Variants in ZNF276 observed in about 807,000 individuals in gnomAD.
ZNF276 encodes zinc finger protein 276, also known as centromere protein Z.
ZNF276 carries 59 observed loss-of-function variants against 63.9 expected under a neutral mutation model. The ratio of observed to expected loss-of-function variants is 0.92; its 90% CI spans 0.75 to 1.15. The LOEUF is 1.15. ZNF276 is among the 50% of genes most tolerant of loss of function. The pLI is 0.00. For synonymous variants in ZNF276, 496 were observed against 348.4 expected, an observed-to-expected ratio of 1.42 and a Z score of -4.72; for missense variants, 1,084 against 843.8, an observed-to-expected ratio of 1.28 and a Z score of -3.53.
In ZNF276 at chr16:89,721,841, G is replaced by C; in HGVS notation, c.201G>C (p.Glu67Asp). ...CGDAGEDGADEAGAGRALAMG... is the reference protein window; with the variant it reads ...CGDAGEDGADDAGAGRALAMG... ...ACGCGGGCGAGGACGGCGCGGACGA[G>C]GCAGGTGGGTCCGCGGCCCGGGCGT... The change falls in exon 1 of 11, where the codon GAG becomes GAC. Residue 67 changes from glutamate to aspartate, a missense_variant. Physicochemically the swap from Glu to Asp is conservative, Grantham distance 45. Transcript: ENST00000443381. 8.2e-7 allele frequency: 1 copy of C among 1,212,292 alleles called. No homozygotes were observed. The highest frequency in any genetic ancestry group is 1.0e-6 in the Non-Finnish European group (1 of 975,702). 75.1% of individuals were successfully genotyped at this position (1,212,292 alleles called of 1,614,324 possible). A position where few individuals can be genotyped will look rare whatever the true frequency, so the allele number is the denominator to read the frequency against.
intron 4 of ZNF276, among the ~76,000 whole-genome samples, chr16:89,725,012 C>T (rs950869533): frequency 2.0e-5 from 3 of 152,274 alleles, no homozygotes; most frequent in African/African-American, 7.2e-5. Context: ...GTGGTGCCAT[C>T]TTGGCTCACC....
At chr16:89,733,796 C>G (rs2061756746) in intron 8 of ZNF276, 125 bp from the exon 9 acceptor site, 1 of 941,912 alleles carries the variant, frequency 1.1e-6, no homozygotes, top group Non-Finnish European at 1.7e-6. Flanking sequence ...TGTGAAGGAG[C>G]CAGTGGTGTC....
chr16:89,739,029 G>T lies in ZNF276; in HGVS notation c.*783G>T. 4 of 1,614,118 alleles carry T rather than the reference G, an allele frequency of 2.5e-6. No individual in the cohort carries two copies. Among genetic ancestry groups the T allele is most frequent in the Non-Finnish European group, 3.4e-6 (4 of 1,179,956 alleles). On this transcript the variant is annotated 3_prime_UTR_variant, in exon 11 of 11. Transcript: ENST00000443381. ...TAGAAGACATACAGAAACAGGGCTG[G>T]TGTGTCCCCCATAGTCTGCATGCTG...
At chr16:89,736,662 G>T (rs1384766680) in intron 9 of ZNF276, among the ~76,000 whole-genome samples, 1 of 151,742 alleles carries the variant, frequency 6.6e-6, no homozygotes. Flanking sequence ...GGGTGTGGTG[G>T]TGCACACCTG....
rs542879849 is a variant in ZNF276 at position 89,722,964 on chromosome 16, G to A, written c.509+130G>A. The A allele has an allele frequency of 1.2e-5, 19 of 1,559,080 alleles. No homozygotes were observed. The East Asian group carries it at 4.1e-4, about 34-fold the overall frequency. ...GGAATGGGCCATGCCCGGGTTCAGT[G>A]CCAACAGCCCTGGGACTGTTGTGGA... On this transcript the variant is annotated intron_variant, in intron 2 of 10. Transcript: ENST00000443381.
At chr16:89,729,838 C>T (rs1409751316) in intron 6 of ZNF276, among the ~76,000 whole-genome samples, 2 of 152,142 alleles carry the variant, frequency 1.3e-5, no homozygotes, top group African/African-American at 2.4e-5. Context: ...CTTGTTTTGA[C>T]TTTGTTTTTA....
chr16:89,739,365 A>G lies in ZNF276; in HGVS notation c.*1119A>G. The G allele has an allele frequency of 6.3e-7, 1 of 1,586,534 alleles. No homozygotes were observed. Among genetic ancestry groups the G allele is most frequent in the Admixed American group, 1.7e-5 (1 of 58,620 alleles). ...CAGGTGATGCCAAGGGATACTGCTC[A>G]TCTGTGGAGCAGAGGCACAGACAAC... On this transcript the variant is annotated 3_prime_UTR_variant, in exon 11 of 11. Coordinates refer to ENST00000443381, the MANE Select transcript of ZNF276 (RefSeq NM_001113525.2).
At position 89,733,957 on chromosome 16, in the gene ZNF276, C is replaced by CG; in HGVS notation, c.1395dup (p.Pro466AlafsTer34). ...GGAGCACCACGAGGAGGTCCGGGAG[C>CG]GGCCCTGCCCCCACCCTGGCTGCAA... On this transcript the variant is annotated frameshift_variant, in exon 9 of 11. Transcript: ENST00000443381. LOFTEE classifies it high-confidence loss of function. The CG allele has an allele frequency of 9.3e-6, 15 of 1,613,968 alleles. No homozygotes were observed. Among genetic ancestry groups the CG allele is most frequent in the Non-Finnish European group, 1.3e-5 (15 of 1,179,994 alleles).
intron 4 of ZNF276, among the ~76,000 whole-genome samples, chr16:89,724,879 T>C (rs2061423383): frequency 6.6e-6 from 1 of 152,226 alleles, no homozygotes; most frequent in Admixed American, 6.5e-5. Flanking sequence ...TACCTACCTA[T>C]CTGTATATCT....
At chr16:89,729,470 G>T in intron 6 of ZNF276, 152 bp downstream of exon 6, 1 of 665,510 alleles carries the variant, frequency 1.5e-6, no homozygotes, top group Non-Finnish European at 2.6e-6. Flanking sequence ...CTCAGTGAGC[G>T]GGAGGCGGGG....
At chr16:89,734,813 AT>A (rs2061797416) in intron 9 of ZNF276, among the ~76,000 whole-genome samples, 1 of 152,044 alleles carries the variant, frequency 6.6e-6, no homozygotes, top group Non-Finnish European at 1.5e-5. Flanking sequence ...ATTTTTCACA[AT>A]TTCTATAATG....
intron 6 of ZNF276, chr16:89,732,655 C>G: frequency 4.3e-6 from 1 of 233,154 alleles, no homozygotes; most frequent in South Asian, 4.8e-5. Flanking sequence ...CCTGACCCTC[C>G]TGTACCCTGC....
chr16:89,732,883 CGCTGTACCCT>C lies in ZNF276; in HGVS notation c.1170-416_1170-407del, dbSNP rs1415629884. The C allele has an allele frequency of 4.0e-4, 75 of 187,280 alleles. 4 individuals carry two copies. Among genetic ancestry groups the C allele is most frequent in the African/African-American group, 1.7e-3 (59 of 33,764 alleles). 11.6% of individuals were successfully genotyped at this position (187,280 alleles called of 1,614,324 possible). A position where few individuals can be genotyped will look rare whatever the true frequency, so the allele number is the denominator to read the frequency against. On this transcript the variant is annotated intron_variant, in intron 6 of 10. Transcript: ENST00000443381. The stretch of plus-strand genomic sequence containing the variant: ...TGCTCGCCCTGACCCTGCTGTACCC[CGCTGTACCCT>C]GCGCCCTCGCCCTCTGCTGTGTTCA...
chr16:89,734,227 C>T (rs887429316), intron 9 of ZNF276, among the ~76,000 whole-genome samples, 189 bp downstream of exon 9: 6 of 152,344 alleles, frequency 3.9e-5, no homozygotes, highest in Non-Finnish European at 7.3e-5. Flanking sequence ...TCTGCCCTTC[C>T]CTGTGATGGA....
At position 89,735,448 on chromosome 16, in the gene ZNF276, C is replaced by T. The variant is rs145941295; in HGVS notation, c.1474+1410C>T. On this transcript the variant is annotated intron_variant, in intron 9 of 10. Coordinates refer to ENST00000443381, the MANE Select transcript of ZNF276 (RefSeq NM_001113525.2). ...GGATTGCTTTTCACTGCTGGGTCAT[C>T]TCCCGACATGCGGGTTGTTATTTTT... 1.2e-3 allele frequency among the ~76,000 whole-genome samples: 180 copies of T among 152,320 alleles called. 1 individual carries two copies. Among genetic ancestry groups the T allele is most frequent in the African/African-American group, 4.1e-3 (172 of 41,574 alleles).
intron 9 of ZNF276, among the ~76,000 whole-genome samples, chr16:89,735,141 C>A (rs1208066436): frequency 1.3e-5 from 2 of 151,592 alleles, no homozygotes; most frequent in Non-Finnish European, 3.0e-5. Context: ...AAAAAAAAAA[C>A]TTGTTTGAAC....
At chr16:89,726,487 C>T (rs1195241088) in intron 4 of ZNF276, among the ~76,000 whole-genome samples, 4 of 152,122 alleles carry the variant, frequency 2.6e-5, no homozygotes, top group Admixed American at 1.3e-4. Flanking sequence ...TGAGTTACCA[C>T]GCCCAGCTCA....
chr16:89,721,832 C>T lies in ZNF276; in HGVS notation c.192C>T (p.Gly64=), dbSNP rs1204898842. ...VGSCGDAGED[G]ADEAGAGRAL... is the part of the protein sequence containing the mutation. ...CCTGCGGGGACGCGGGCGAGGACGG[C>T]GCGGACGAGGCAGGTGGGTCCGCGG... Residue 64 remains glycine (G), a synonymous_variant, in exon 1 of 11, where the codon GGC becomes GGT. Transcript: ENST00000443381. 1.6e-6 allele frequency: 2 copies of T among 1,219,402 alleles called. No homozygotes were observed. Among genetic ancestry groups the T allele is most frequent in the Non-Finnish European group, 2.0e-6 (2 of 980,508 alleles). The allele number at this position is 1,219,402 out of a possible 1,614,324, so 75.5% of individuals were successfully genotyped here.
chr16:89,724,829 C>G (rs1366156149), intron 4 of ZNF276, among the ~76,000 whole-genome samples: 3 of 132,812 alleles, frequency 2.3e-5, no homozygotes, highest in Non-Finnish European at 3.6e-5. Context: ...TATCTACCTA[C>G]CTACCTATCT....
Sources: gnomAD v4.1 joint callset for allele counts (sites outside exome capture counted in the v4.1 genomes callset) on GRCh38, gnomAD v4.1.1 for gene constraint, MANE v1.5 for transcripts, NCBI Gene and HGNC (gene_info 2026-07-23, HGNC 2026-07-21) for gene names.